MAST4: variants seen among roughly 807,000 people sequenced by gnomAD.
MAST4 encodes microtubule-associated serine/threonine-protein kinase 4.
MAST4 carries 89 observed loss-of-function variants against 162.7 expected under a neutral mutation model. The ratio of observed to expected loss-of-function variants is 0.55; its 90% CI spans 0.46 to 0.65. The LOEUF is 0.65. MAST4 is among the 30% of genes least tolerant of loss of function. The pLI, the probability that MAST4 is intolerant of heterozygous loss-of-function variation, is 0.00. For missense variants in MAST4, 3,153 were observed against 3,374.0 expected (o/e 0.93, Z 1.62); for synonymous variants, 1,479 against 1,361.1 (o/e 1.09, Z -1.91).
intron 3 of MAST4, among the ~76,000 whole-genome samples, chr5:66,827,565 G>GA (rs1280465050): frequency 6.6e-6 from 1 of 152,192 alleles, no homozygotes; most frequent in African/African-American, 2.4e-5. Flanking sequence ...GAAAGAGATG[G>GA]AAAACCAGTG....
At chr5:66,752,755 G>A (rs1580367682) in intron 1 of MAST4, among the ~76,000 whole-genome samples, 1 of 148,174 alleles carries the variant, frequency 6.7e-6, no homozygotes, top group African/African-American at 2.5e-5. Flanking sequence ...AAGTCAACAA[G>A]GATACCCAGG....
At chr5:66,917,666 T>C (rs1410234795) in intron 4 of MAST4, among the ~76,000 whole-genome samples, 1 of 151,740 alleles carries the variant, frequency 6.6e-6, no homozygotes, top group Non-Finnish European at 1.5e-5. Context: ...TTATTTTTCA[T>C]GGGATTGAAA....
intron 4 of MAST4, among the ~76,000 whole-genome samples, chr5:67,032,163 TA>T (rs1755417093): frequency 6.6e-6 from 1 of 152,156 alleles, no homozygotes; most frequent in Admixed American, 6.6e-5. Flanking sequence ...CATTTTAGAT[TA>T]AGCCTCTGGA....
chr5:66,677,925 A>G (rs71632578), intron 1 of MAST4, among the ~76,000 whole-genome samples: 15,477 of 152,100 alleles, frequency 0.1, 920 homozygotes, highest in Admixed American at 0.16. Context: ...CCCGCATCCA[A>G]TCCCTCCCCC....
intron 5 of MAST4, among the ~76,000 whole-genome samples, chr5:67,068,235 G>A (rs73768182): frequency 0.12 from 18,260 of 152,126 alleles, 2,576 homozygotes; most frequent in African/African-American, 0.34. Flanking sequence ...CTATTCTGTT[G>A]TATTAGTCTG....
At chr5:66,984,303 A>T (rs1749208460) in intron 4 of MAST4, among the ~76,000 whole-genome samples, 1 of 152,212 alleles carries the variant, frequency 6.6e-6, no homozygotes, top group African/African-American at 2.4e-5. Flanking sequence ...GAGGCCACCC[A>T]GGGCAGAAGC....
chr5:66,986,946 A>G (rs955182507), intron 4 of MAST4, among the ~76,000 whole-genome samples: 1 of 152,174 alleles, frequency 6.6e-6, no homozygotes, highest in East Asian at 1.9e-4. Context: ...ACAAATATGC[A>G]TGTACATGTG....
intron 1 of MAST4, among the ~76,000 whole-genome samples, chr5:66,631,287 G>C (rs562253866): frequency 6.6e-6 from 1 of 152,284 alleles, no homozygotes; most frequent in Admixed American, 6.5e-5. Flanking sequence ...CTGTGTCCTA[G>C]AAAGCTGCGA....
intron 1 of MAST4, among the ~76,000 whole-genome samples, chr5:66,646,609 A>T (rs531107927): frequency 2.4e-4 from 37 of 152,292 alleles, no homozygotes; most frequent in African/African-American, 8.4e-4. Flanking sequence ...ATTCATAGAG[A>T]TATTTTTTAA....
chr5:67,062,264 G>A (rs1759714629), intron 5 of MAST4, among the ~76,000 whole-genome samples: 1 of 152,104 alleles, frequency 6.6e-6, no homozygotes, highest in African/African-American at 2.4e-5. Context: ...CGGGCGTGGT[G>A]GCACATACCT....
At chr5:67,017,809 G>A (rs1297415845) in intron 4 of MAST4, among the ~76,000 whole-genome samples, 1 of 151,924 alleles carries the variant, frequency 6.6e-6, no homozygotes, top group Admixed American at 6.6e-5. Context: ...ATGTTGGTCA[G>A]GCTGATCTGG....
rs532167080 is a variant in MAST4, at chr5:66,934,915, C to T, written c.674+34933C>T. 4.6e-5 allele frequency among the ~76,000 whole-genome samples: 7 copies of T among 152,238 alleles called. No individual in the cohort carries two copies. In the South Asian group the frequency reaches 1.5e-3, roughly 32 times the overall value. ...TTCTATAATTTCTGTAAATATGTTT[C>T]CCAAAGACATATGCATTTGAAAGTG... is the stretch of plus-strand genomic sequence containing the variant. On this transcript the variant is annotated intron_variant, in intron 4 of 28. Coordinates refer to ENST00000403625, the MANE Select transcript of MAST4 (RefSeq NM_001164664.2).
chr5:67,117,605 CTA>C (rs1767069968), intron 12 of MAST4, among the ~76,000 whole-genome samples: 4 of 151,458 alleles, frequency 2.6e-5, no homozygotes, highest in Admixed American at 1.3e-4. Flanking sequence ...TAACTAAAAA[CTA>C]TGACTTTTAT....
chr5:67,097,841 AT>A (rs1398277114), intron 7 of MAST4, among the ~76,000 whole-genome samples: 1 of 152,022 alleles, frequency 6.6e-6, no homozygotes, highest in Non-Finnish European at 1.5e-5. Flanking sequence ...AAGTTCAATT[AT>A]TTTTTTCTCC....
intron 14 of MAST4, among the ~76,000 whole-genome samples, chr5:67,129,555 A>G (rs913608851): frequency 6.6e-6 from 1 of 151,906 alleles, no homozygotes; most frequent in Non-Finnish European, 1.5e-5. Context: ...CTCTGTCTCT[A>G]CCAAAAAACA....
At chr5:67,126,974 T>C (rs199666148) in intron 14 of MAST4, among the ~76,000 whole-genome samples, 19 of 152,302 alleles carry the variant, frequency 1.2e-4, no homozygotes, top group African/African-American at 4.3e-4. Context: ...TTGTAAGTTG[T>C]ATTCCTAGGT....
At chr5:66,751,555 T>C (rs1753169338) in intron 1 of MAST4, among the ~76,000 whole-genome samples, 1 of 151,700 alleles carries the variant, frequency 6.6e-6, no homozygotes, top group African/African-American at 2.4e-5. Flanking sequence ...CGATGGAAGA[T>C]GAAATGAATG....
chr5:66,732,321 T>C (rs987271711), intron 1 of MAST4, among the ~76,000 whole-genome samples: 1 of 152,130 alleles, frequency 6.6e-6, no homozygotes, highest in Non-Finnish European at 1.5e-5. Flanking sequence ...AGCCTCATTT[T>C]CTGGCCCCAT....
chr5:67,030,129 T>C (rs1755125088), intron 4 of MAST4, among the ~76,000 whole-genome samples: 1 of 152,156 alleles, frequency 6.6e-6, no homozygotes, highest in African/African-American at 2.4e-5. Flanking sequence ...TCAAATTAAA[T>C]GTGTATTTTT....
Sources: allele counts gnomAD v4.1 joint callset (sites outside exome capture counted in the v4.1 genomes callset), GRCh38; gene constraint gnomAD v4.1.1; transcripts MANE v1.5; gene names NCBI Gene and HGNC (gene_info 2026-07-23, HGNC 2026-07-21).